Variants in SORCS2 observed in about 807,000 individuals in gnomAD.
SORCS2 encodes VPS10 domain-containing receptor SorCS2.
SORCS2 carries 100 observed loss-of-function variants against 141.6 expected under a neutral mutation model. That is an observed-to-expected ratio of 0.71 (90% confidence interval 0.60 to 0.83). The LOEUF is 0.83. SORCS2 is among the 40% of genes least tolerant of loss of function. The pLI is 0.00. For missense variants in SORCS2, 1,646 were observed against 1,560.2 expected (o/e 1.05, Z -0.93); for synonymous variants, 789 against 676.9 (o/e 1.17, Z -2.57).
intron 3 of SORCS2, among the ~76,000 whole-genome samples, chr4:7,571,102 C>A (rs1474872896): frequency 5.3e-5 from 8 of 152,238 alleles, no homozygotes; most frequent in Admixed American, 5.2e-4. Flanking sequence ...TTACAGCAGC[C>A]CCCAGCCCTG....
At chr4:7,494,496 G>T (rs73212578) in intron 2 of SORCS2, among the ~76,000 whole-genome samples, 1 of 145,272 alleles carries the variant, frequency 6.9e-6, no homozygotes, top group Non-Finnish European at 1.5e-5. Flanking sequence ...CTGCCTCCTC[G>T]CTGTGTCGTC....
chr4:7,216,961 G>GTGGTTCCCGTGC (rs1296062051), intron 1 of SORCS2, among the ~76,000 whole-genome samples: 6 of 152,114 alleles, frequency 3.9e-5, no homozygotes, highest in African/African-American at 1.2e-4. Flanking sequence ...GGTTCCCGTG[G>GTGGTTCCCGTGC]CTCTTCTGAT....
chr4:7,402,525 A>G (rs949497064), intron 2 of SORCS2, among the ~76,000 whole-genome samples: 1 of 152,150 alleles, frequency 6.6e-6, no homozygotes, highest in Admixed American at 6.5e-5. Flanking sequence ...CGTGTAATCT[A>G]TTTGATTTAT....
intron 1 of SORCS2, among the ~76,000 whole-genome samples, chr4:7,255,773 C>T (rs1228247889): frequency 1.7e-4 from 26 of 152,084 alleles, no homozygotes; most frequent in Non-Finnish European, 2.9e-5. Flanking sequence ...CAGGGCATGC[C>T]CTGGGCAGAG....
chr4:7,536,838 G>A (rs1263135620), intron 3 of SORCS2, among the ~76,000 whole-genome samples: 2 of 41,058 alleles, frequency 4.9e-5, no homozygotes, highest in Admixed American at 4.0e-4. Flanking sequence ...GATGTGGGGG[G>A]GGGGGGCGGG....
chr4:7,531,709 C>T (rs1560361826), intron 3 of SORCS2, 80 bp downstream of exon 3: 4 of 1,379,902 alleles, frequency 2.9e-6, no homozygotes, highest in African/African-American at 1.4e-5. Context: ...AGCTGCTGCC[C>T]TGCCCTGCTG....
At chr4:7,653,780 G>T (rs991847487) in intron 4 of SORCS2, among the ~76,000 whole-genome samples, 1 of 152,178 alleles carries the variant, frequency 6.6e-6, no homozygotes, top group African/African-American at 2.4e-5. Context: ...TCCAGCCCTG[G>T]CAACACGTGG....
intron 3 of SORCS2, among the ~76,000 whole-genome samples, chr4:7,561,386 A>T (rs978244749): frequency 6.6e-6 from 1 of 152,088 alleles, no homozygotes; most frequent in Non-Finnish European, 1.5e-5. Flanking sequence ...ATGTTTGTTC[A>T]TCCATACATC....
At chr4:7,314,955 C>T (rs1360441548) in intron 1 of SORCS2, among the ~76,000 whole-genome samples, 1 of 152,086 alleles carries the variant, frequency 6.6e-6, no homozygotes, top group Non-Finnish European at 1.5e-5. Flanking sequence ...CCTCAGCCTC[C>T]CAAGTAGCTG....
At chr4:7,425,670 C>T (rs1314051688) in intron 2 of SORCS2, among the ~76,000 whole-genome samples, 3 of 152,212 alleles carry the variant, frequency 2.0e-5, no homozygotes, top group Admixed American at 6.5e-5. Flanking sequence ...AATTCAAGGC[C>T]TGCAGAGGGC....
At chr4:7,462,615 C>T (rs1315366086) in intron 2 of SORCS2, among the ~76,000 whole-genome samples, 1 of 151,856 alleles carries the variant, frequency 6.6e-6, no homozygotes, top group Non-Finnish European at 1.5e-5. Context: ...TTCCAGAGTG[C>T]CCTCTGCTGT....
rs1722340072 is a variant in SORCS2 at position 7,663,966 on chromosome 4, T to C, written c.953-387T>C. 1.3e-5 allele frequency among the ~76,000 whole-genome samples: 2 copies of C among 152,136 alleles called. No homozygotes were observed. Among genetic ancestry groups the C allele is most frequent in the Non-Finnish European group, 2.9e-5 (2 of 68,024 alleles). On this transcript the variant is annotated intron_variant, in intron 6 of 26. Coordinates refer to ENST00000507866, the MANE Select transcript of SORCS2 (RefSeq NM_020777.3). This position sits in a 1 kb window ranked among gnomAD's most constrained non-coding sequence, Gnocchi z 4.8. Reference sequence around the variant, plus strand: ...AGGGTAGAAGCAGTTGCTTAAAATTTGGGGGAAAAGAACCCTTGAGCCCCA... The same window carrying C: ...AGGGTAGAAGCAGTTGCTTAAAATTCGGGGGAAAAGAACCCTTGAGCCCCA...
chr4:7,676,939 C>T lies in SORCS2; in HGVS notation c.1341+710C>T, dbSNP rs147510942. ...CCCTCTCTCCCTCTCTCCCTCTCTC[C>T]CTCTCTCCCTCTGCCTTCCTCTCTC... On this transcript the variant is annotated intron_variant, in intron 9 of 26. Transcript: ENST00000507866. 1.5e-3 allele frequency among the ~76,000 whole-genome samples: 37 copies of T among 25,128 alleles called. 4 individuals carry two copies. The highest frequency in any genetic ancestry group is 3.1e-3 in the East Asian group (2 of 638). The allele number at this position is 25,128 out of a possible 152,430, so 16.5% of individuals were successfully genotyped here.
At chr4:7,545,017 A>T (rs1426074928) in intron 3 of SORCS2, among the ~76,000 whole-genome samples, 2 of 152,198 alleles carry the variant, frequency 1.3e-5, no homozygotes, top group African/African-American at 2.4e-5. Context: ...AAATGGCTCA[A>T]TTGGGCTTGT....
intron 2 of SORCS2, among the ~76,000 whole-genome samples, chr4:7,505,193 A>C (rs1732201629): frequency 6.6e-6 from 1 of 152,174 alleles, no homozygotes; most frequent in African/African-American, 2.4e-5. Flanking sequence ...TGAATTTTAA[A>C]ATAAGCTTGG....
rs187735058 is a variant in SORCS2 at position 7,664,766 on chromosome 4, C to A, written c.1071+295C>A. 6.6e-6 allele frequency among the ~76,000 whole-genome samples: 1 copy of A among 152,126 alleles called. No homozygotes were observed. Among genetic ancestry groups the A allele is most frequent in the African/African-American group, 2.4e-5 (1 of 41,434 alleles). On this transcript the variant is annotated intron_variant, in intron 7 of 26. Transcript: ENST00000507866. The surrounding 1 kb of genome is among the most constrained non-coding windows in gnomAD (Gnocchi z 4.7). Reference sequence around the variant, plus strand: ...CCTAAGCCCATTTAGCCCCATTTGGCTTTATCAGTGACTTTGGAACTGACC... The same window carrying A: ...CCTAAGCCCATTTAGCCCCATTTGGATTTATCAGTGACTTTGGAACTGACC...
intron 5 of SORCS2, among the ~76,000 whole-genome samples, chr4:7,659,665 G>T (rs1722026618): frequency 6.6e-6 from 1 of 152,234 alleles, no homozygotes; most frequent in Non-Finnish European, 1.5e-5. Context: ...AAAGCCAGGA[G>T]AGAGTGTCCA....
rs75141629 is a variant in SORCS2, at chr4:7,664,976, T to C, written c.1071+505T>C. 3.3e-3 allele frequency among the ~76,000 whole-genome samples: 509 copies of C among 152,276 alleles called. 2 individuals are homozygous for C. The highest frequency in any genetic ancestry group is 0.012 in the African/African-American group (489 of 41,566). On this transcript the variant is annotated intron_variant, in intron 7 of 26. Coordinates refer to ENST00000507866, the MANE Select transcript of SORCS2 (RefSeq NM_020777.3). This position sits in a 1 kb window ranked among gnomAD's most constrained non-coding sequence, Gnocchi z 4.7. Reference sequence around the variant, plus strand: ...TCCAGCTTTTCTTCACCTTCATGGATGGGGAGCTCAGCCCTCCCGAAACAG... The same window carrying C: ...TCCAGCTTTTCTTCACCTTCATGGACGGGGAGCTCAGCCCTCCCGAAACAG...
chr4:7,393,978 C>A (rs559254041), intron 1 of SORCS2, among the ~76,000 whole-genome samples: 1 of 152,224 alleles, frequency 6.6e-6, no homozygotes, highest in African/African-American at 2.4e-5. Flanking sequence ...CGAGTCAGGG[C>A]GTGGTGGGGC....
Sources: gnomAD v4.1 joint callset for allele counts (sites outside exome capture counted in the v4.1 genomes callset) on GRCh38, gnomAD v4.1.1 for gene constraint, Gnocchi (gnomAD v3.1) non-coding constraint, MANE v1.5 for transcripts, NCBI Gene and HGNC (gene_info 2026-07-23, HGNC 2026-07-21) for gene names.